DRG1: variants seen among roughly 807,000 people sequenced by gnomAD.
DRG1 encodes developmentally-regulated GTP-binding protein 1.
DRG1 carries 19 observed loss-of-function variants against 38.8 expected under a neutral mutation model. The ratio of observed to expected loss-of-function variants is 0.49; its 90% CI spans 0.34 to 0.72. DRG1 has a LOEUF of 0.72. Among genes scored for constraint, DRG1 ranks in the 30% least tolerant of loss-of-function variants. The pLI, the probability that DRG1 is intolerant of heterozygous loss-of-function variation, is 0.01. For synonymous variants in DRG1, 167 were observed against 157.5 expected (o/e 1.06, Z -0.45); for missense variants, 299 against 444.8 (o/e 0.67, Z 2.95).
chr22:31,433,459 C>T (rs1260377666), intron 8 of DRG1, among the ~76,000 whole-genome samples: 3 of 151,908 alleles, frequency 2.0e-5, no homozygotes, highest in East Asian at 1.9e-4. Flanking sequence ...TTAGTGGAGA[C>T]GGGGTTTCAC....
intron 5 of DRG1, among the ~76,000 whole-genome samples, chr22:31,421,727 A>G (rs1158056743): frequency 6.6e-6 from 1 of 152,020 alleles, no homozygotes; most frequent in Non-Finnish European, 1.5e-5. Context: ...TAAAGAAGGC[A>G]TGAGGAATTA....
chr22:31,427,172 G>T lies in DRG1; in HGVS notation c.994G>T (p.Glu332Ter). ...GAAGATTCACAAAAATCTTATCAAAGAATTTAAATAGTAAGTATCATGGGC... is the reference window on the plus strand; with the variant it reads ...GAAGATTCACAAAAATCTTATCAAATAATTTAAATAGTAAGTATCATGGGC... ...CMKIHKNLIK[E>*]FKYALVWGLS... The change falls in exon 8 of 9, where the codon GAA (glutamate) becomes TAA (stop). Residue 332 changes from glutamate to a stop codon, truncating the protein, a stop_gained. Transcript: ENST00000331457. LOFTEE classifies it high-confidence loss of function. 5.0e-6 allele frequency: 8 copies of T among 1,613,956 alleles called. No individual in the cohort carries two copies. Among genetic ancestry groups the T allele is most frequent in the South Asian group, 1.1e-5 (1 of 91,062 alleles).
rs556214902 is a variant in DRG1 at position 31,403,955 on chromosome 22, C to T, written c.342+751C>T. On this transcript the variant is annotated intron_variant, in intron 3 of 8. Coordinates refer to ENST00000331457, the MANE Select transcript of DRG1 (RefSeq NM_004147.4). ...TTCAGAGTCTTGTTGAGAGTCACAG[C>T]TTTGGCAGCTCAAGAGAATAACTTT... Among the ~76,000 whole-genome samples the T allele has an allele frequency of 1.1e-4, 15 of 141,326 alleles. No homozygotes were observed. In the South Asian group the frequency reaches 2.8e-3, roughly 26 times the overall value. 92.7% of individuals were successfully genotyped at this position (141,326 alleles called of 152,430 possible).
chr22:31,425,955 T>C (rs1242937108), intron 6 of DRG1, among the ~76,000 whole-genome samples: 1 of 152,210 alleles, frequency 6.6e-6, no homozygotes, highest in African/African-American at 2.4e-5. Context: ...CTTGCCTAAT[T>C]AGTAGTAACC....
At chr22:31,407,502 A>G (rs541916881) in intron 3 of DRG1, among the ~76,000 whole-genome samples, 2 of 151,686 alleles carry the variant, frequency 1.3e-5, no homozygotes, top group East Asian at 3.9e-4. Context: ...TGCCTGACTA[A>G]TTTTTTATTT....
chr22:31,418,099 A>G (rs1477248327), intron 4 of DRG1, among the ~76,000 whole-genome samples: 1 of 152,050 alleles, frequency 6.6e-6, no homozygotes, highest in Non-Finnish European at 1.5e-5. Context: ...GTTCAAGACC[A>G]GCCTGAACAA....
In DRG1 at chr22:31,400,111, G is replaced by A. The variant is rs114884010; in HGVS notation, c.42+386G>A. Among the ~76,000 whole-genome samples, 752 of 152,146 alleles carry A rather than the reference G, an allele frequency of 4.9e-3. 7 individuals carry two copies. The highest frequency in any genetic ancestry group is 0.017 in the African/African-American group (725 of 41,514). On this transcript the variant is annotated intron_variant, in intron 1 of 8. Transcript: ENST00000331457. ...ATCTCTGACTTGGTCAGATAGTTCAGGATCTTTCCTCATCATCCTTCGCTG... is the reference window on the plus strand; with the variant it reads ...ATCTCTGACTTGGTCAGATAGTTCAAGATCTTTCCTCATCATCCTTCGCTG...
Position 31,423,469 on chromosome 22 carries a change from G to A in DRG1, c.713+59G>A. 2.0e-6 allele frequency: 3 copies of A among 1,510,024 alleles called. No homozygotes were observed. In the South Asian group the frequency reaches 3.4e-5, roughly 17 times the overall value. 93.5% of individuals were successfully genotyped at this position (1,510,024 alleles called of 1,614,324 possible). On this transcript the variant is annotated intron_variant, in intron 6 of 8. Coordinates refer to ENST00000331457, the MANE Select transcript of DRG1 (RefSeq NM_004147.4). ...AATTGGAAGCCTTGTGATGGAAACA[G>A]TATTGGATCTTGAATCTGGCAGAAG... is the stretch of plus-strand genomic sequence containing the variant.
intron 8 of DRG1, 83 bp downstream of exon 8, chr22:31,427,265 A>T (rs2050115973): frequency 1.3e-6 from 2 of 1,511,578 alleles, no homozygotes; most frequent in Non-Finnish European, 1.8e-6. Context: ...ATAGCATTTT[A>T]AAAAAGAAGG....
chr22:31,412,382 G>A lies in DRG1; in HGVS notation c.412+1301G>A, dbSNP rs549163422. Reference sequence around the variant, plus strand: ...TTTTTTTTTTTTGAGATGGAGTCTCGCTCTGTCGCCCAGGCTAGAATGCTG... The same window carrying A: ...TTTTTTTTTTTTGAGATGGAGTCTCACTCTGTCGCCCAGGCTAGAATGCTG... On this transcript the variant is annotated intron_variant, in intron 4 of 8. Coordinates refer to ENST00000331457, the MANE Select transcript of DRG1 (RefSeq NM_004147.4). 1.0e-4 allele frequency among the ~76,000 whole-genome samples: 13 copies of A among 129,636 alleles called. No homozygotes were observed. In the South Asian group the frequency reaches 2.2e-3, roughly 22 times the overall value. The allele number at this position is 129,636 out of a possible 152,430, so 85.0% of individuals were successfully genotyped here. A position where few individuals can be genotyped will look rare whatever the true frequency, so the allele number is the denominator to read the frequency against.
intron 8 of DRG1, among the ~76,000 whole-genome samples, chr22:31,432,464 C>T (rs116559797): frequency 2.2e-3 from 333 of 149,498 alleles, no homozygotes; most frequent in African/African-American, 7.9e-3. Context: ...GAGACTCAGT[C>T]GCCCAGGCTG....
chr22:31,411,121 C>A, intron 4 of DRG1, 40 bp downstream of exon 4: 1 of 1,600,882 alleles, frequency 6.2e-7, no homozygotes, highest in Non-Finnish European at 8.6e-7. Context: ...ATATCATTCC[C>A]TTCTCTGGTA....
chr22:31,432,582 C>T (rs538983134), intron 8 of DRG1, among the ~76,000 whole-genome samples: 67 of 152,178 alleles, frequency 4.4e-4, no homozygotes, highest in African/African-American at 1.5e-3. Flanking sequence ...CGCGCTACCA[C>T]GCCCAGCTAA....
rs2050087614 is a variant in DRG1 at position 31,423,319 on chromosome 22, A to G, written c.622A>G (p.Ile208Val). Reference sequence around the variant, plus strand: ...GCTGGATGCTGAAACTGTGAAGAGCATTCTGGCTGAATACAAGATTCATAA... The same window carrying G: ...GCTGGATGCTGAAACTGTGAAGAGCGTTCTGGCTGAATACAAGATTCATAA... The part of the protein sequence containing the change: ...SELDAETVKS[I>V]LAEYKIHNAD... The change falls in exon 6 of 9, where the codon ATT becomes GTT. Residue 208 changes from isoleucine to valine, a missense_variant. Transcript: ENST00000331457. 4 of 1,614,142 alleles carry G rather than the reference A, an allele frequency of 2.5e-6. 1 individual carries two copies. In the South Asian group the frequency reaches 4.4e-5, roughly 18 times the overall value.
chr22:31,429,376 C>T (rs533207745), intron 8 of DRG1, among the ~76,000 whole-genome samples: 4 of 152,136 alleles, frequency 2.6e-5, no homozygotes, highest in Non-Finnish European at 5.9e-5. Context: ...CCTCGGCCTC[C>T]CAAAGTGCTG....
chr22:31,404,902 C>T (rs941781790), intron 3 of DRG1, among the ~76,000 whole-genome samples: 1 of 152,032 alleles, frequency 6.6e-6, no homozygotes, highest in South Asian at 2.1e-4. Context: ...AGATTACAGG[C>T]GTGAGCCACT....
intron 1 of DRG1, among the ~76,000 whole-genome samples, chr22:31,400,213 G>T (rs1823955953): frequency 6.6e-6 from 1 of 151,866 alleles, no homozygotes; most frequent in African/African-American, 2.4e-5. Context: ...CCGGTAATCG[G>T]ATCTGGAAGT....
chr22:31,423,393 T>C lies in DRG1; in HGVS notation c.696T>C (p.Asp232=). ...ATGCTACAGCTGATGACCTCATTGA[T>C]GTGGTGGAAGGAAACAGGTACTGAC... ...RSDATADDLI[D]VVEGNRVYIP... The change falls in exon 6 of 9, where the codon GAT becomes GAC. Residue 232 remains aspartate (D), a synonymous_variant. Transcript: ENST00000331457. The C allele has an allele frequency of 6.2e-7, 1 of 1,614,102 alleles. No homozygotes were observed. Among genetic ancestry groups the C allele is most frequent in the Non-Finnish European group, 8.5e-7 (1 of 1,180,038 alleles).
intron 5 of DRG1, 128 bp from the exon 6 acceptor site, chr22:31,423,152 C>A: frequency 8.7e-7 from 1 of 1,152,166 alleles, no homozygotes; most frequent in Non-Finnish European, 1.2e-6. Flanking sequence ...CAGTGACACT[C>A]ATCCCGGATG....
Sources: gnomAD v4.1 joint callset for allele counts (sites outside exome capture counted in the v4.1 genomes callset) on GRCh38, gnomAD v4.1.1 for gene constraint, MANE v1.5 for transcripts, NCBI Gene and HGNC (gene_info 2026-07-23, HGNC 2026-07-21) for gene names.